The following THRB variants were observed in gnomAD, a reference collection of about 807,000 sequenced individuals.
THRB encodes the protein nuclear receptor subfamily 1 group A member 2.
A neutral mutation model predicts 47.8 loss-of-function variants in THRB; 12 were observed. The ratio of observed to expected loss-of-function variants is 0.25; its 90% CI spans 0.16 to 0.41. The LOEUF is 0.41. THRB is among the 10% of genes least tolerant of loss of function. The pLI is 1.00. For synonymous variants in THRB, 218 were observed against 212.2 expected (o/e 1.03, Z -0.24); for missense variants, 348 against 589.2 (o/e 0.59, Z 4.24).
At chr3:24,467,377 A>G (rs1421679090) in intron 1 of THRB, among the ~76,000 whole-genome samples, 1 of 152,254 alleles carries the variant, frequency 6.6e-6, no homozygotes. Context: ...ACCTCCTCCC[A>G]GGAATCACGA....
chr3:24,158,712 G>C (rs1320793875), intron 5 of THRB, among the ~76,000 whole-genome samples: 5 of 152,234 alleles, frequency 3.3e-5, no homozygotes, highest in African/African-American at 1.2e-4. Flanking sequence ...TTATAGGCGT[G>C]AGCCACTGCT....
upstream of THRB, chr3:24,495,203 G>A (rs1289735934): frequency 6.5e-6 from 1 of 152,902 alleles, no homozygotes; most frequent in East Asian, 1.9e-4. Flanking sequence ...CAGCCCTCAC[G>A]GCTGTCCGAC....
chr3:24,280,607 GAGA>G (rs1189973146), intron 3 of THRB, among the ~76,000 whole-genome samples: 1 of 152,170 alleles, frequency 6.6e-6, no homozygotes, highest in Non-Finnish European at 1.5e-5. Context: ...GACAAGCTGA[GAGA>G]AGAAGGCTTC....
chr3:24,336,882 T>C (rs187837115), intron 2 of THRB, among the ~76,000 whole-genome samples: 3,502 of 152,094 alleles, frequency 0.023, 63 homozygotes, highest in African/African-American at 0.049. Flanking sequence ...CCACCACGCC[T>C]GGCTAATTTT....
At chr3:24,233,595 G>GAA (rs1210927822) in intron 3 of THRB, among the ~76,000 whole-genome samples, 3 of 143,854 alleles carry the variant, frequency 2.1e-5, no homozygotes, top group Admixed American at 1.4e-4. Context: ...AAGAAAGAAA[G>GAA]AAAGAAAGAA....
intron 4 of THRB, among the ~76,000 whole-genome samples, chr3:24,212,688 C>A (rs141815592): frequency 1.3e-5 from 2 of 152,074 alleles, no homozygotes; most frequent in Admixed American, 6.6e-5. Context: ...CTTGATCCCC[C>A]GCTATTATGC....
chr3:24,435,628 G>A (rs906408782), intron 1 of THRB, among the ~76,000 whole-genome samples: 1 of 152,178 alleles, frequency 6.6e-6, no homozygotes, highest in African/African-American at 2.4e-5. Context: ...TGAAACCAAA[G>A]GGAATGGAAG....
intron 3 of THRB, among the ~76,000 whole-genome samples, chr3:24,250,604 G>C (rs984304218): frequency 1.3e-5 from 2 of 152,170 alleles, no homozygotes; most frequent in Non-Finnish European, 2.9e-5. Context: ...GAGAGACTAA[G>C]GTGAGAGGAT....
At chr3:24,159,268 C>T (rs143174978) in intron 5 of THRB, among the ~76,000 whole-genome samples, 176 of 152,236 alleles carry the variant, frequency 1.2e-3, no homozygotes, top group South Asian at 7.9e-3. Flanking sequence ...CCGTCACTGT[C>T]GTTATGAGCT....
chr3:24,283,196 C>G (rs2054825444), intron 3 of THRB, among the ~76,000 whole-genome samples: 1 of 152,218 alleles, frequency 6.6e-6, no homozygotes, highest in Non-Finnish European at 1.5e-5. Flanking sequence ...AAAATACTGG[C>G]AAACCAAATC....
At chr3:24,321,477 T>C (rs2058479908) in intron 2 of THRB, among the ~76,000 whole-genome samples, 1 of 152,182 alleles carries the variant, frequency 6.6e-6, no homozygotes, top group African/African-American at 2.4e-5. Context: ...TTTAAAATAA[T>C]TTATGTAAAT....
intron 3 of THRB, among the ~76,000 whole-genome samples, chr3:24,291,551 T>C (rs1012647103): frequency 6.6e-6 from 1 of 152,208 alleles, no homozygotes; most frequent in African/African-American, 2.4e-5. Flanking sequence ...AATCTCTAGA[T>C]TACTTATGAT....
chr3:24,284,491 T>C (rs2055017580), intron 3 of THRB, among the ~76,000 whole-genome samples: 1 of 152,000 alleles, frequency 6.6e-6, no homozygotes. Flanking sequence ...GAAGAAAACC[T>C]AGGCATTGCC....
intron 4 of THRB, among the ~76,000 whole-genome samples, chr3:24,212,542 C>A (rs1296275197): frequency 7.2e-6 from 1 of 138,724 alleles, no homozygotes; most frequent in Non-Finnish European, 1.5e-5. Flanking sequence ...CGCACCATTG[C>A]ACTCCAGCCT....
chr3:24,138,919 A>C (rs2035059297), intron 8 of THRB, among the ~76,000 whole-genome samples: 1 of 152,232 alleles, frequency 6.6e-6, no homozygotes, highest in Non-Finnish European at 1.5e-5. Flanking sequence ...CATGAAAATT[A>C]AGGGAGCAGA....
chr3:24,458,689 C>T (rs902868334), intron 1 of THRB: 10 of 152,122 alleles, frequency 6.6e-5, no homozygotes, highest in Admixed American at 3.9e-4. Flanking sequence ...AAGAATGTTC[C>T]TCCATGAACA....
intron 4 of THRB, among the ~76,000 whole-genome samples, chr3:24,213,324 G>A (rs988286730): frequency 2.0e-5 from 3 of 152,186 alleles, no homozygotes; most frequent in African/African-American, 4.8e-5. Flanking sequence ...GATGGGGCTT[G>A]ACAGGGTCAG....
intron 3 of THRB, among the ~76,000 whole-genome samples, chr3:24,237,574 CCAGA>C (rs2150197289): frequency 6.6e-6 from 1 of 152,208 alleles, no homozygotes; most frequent in East Asian, 1.9e-4. Flanking sequence ...CACCTCTCTC[CCAGA>C]CAAAGTCACC....
At chr3:24,418,329 C>CG (rs2068933121) in intron 1 of THRB, among the ~76,000 whole-genome samples, 1 of 142,532 alleles carries the variant, frequency 7.0e-6, no homozygotes, top group African/African-American at 2.6e-5. Flanking sequence ...TTTTAAAAGA[C>CG]TTTTTTTTTT....
Sources: allele counts gnomAD v4.1 joint callset (sites outside exome capture counted in the v4.1 genomes callset), GRCh38; gene constraint gnomAD v4.1.1; transcripts MANE v1.5; gene names NCBI Gene and HGNC (gene_info 2026-07-23, HGNC 2026-07-21).